FAM135B: variants seen among roughly 807,000 people sequenced by gnomAD.
FAM135B encodes the protein protein FAM135B.
FAM135B carries 43 observed loss-of-function variants against 127.7 expected under a neutral mutation model. The observed-to-expected ratio is 0.34, with a 90% CI of 0.26 to 0.43. The LOEUF is 0.43. Ranked by LOEUF, FAM135B falls within the 20% of genes least tolerant of loss-of-function variation. The pLI is 1.00. For missense variants in FAM135B, 1,558 were observed against 1,725.6 expected, an observed-to-expected ratio of 0.90 and a Z score of 1.72; for synonymous variants, 670 against 665.1, an observed-to-expected ratio of 1.01 and a Z score of -0.11.
chr8:138,282,644 T>C (rs1345952254), intron 3 of FAM135B, among the ~76,000 whole-genome samples: 1 of 152,134 alleles, frequency 6.6e-6, no homozygotes, highest in Non-Finnish European at 1.5e-5. Flanking sequence ...TACACACCTA[T>C]TAGAGTGGCT....
At chr8:138,481,789 T>C (rs898213983) in intron 1 of FAM135B, among the ~76,000 whole-genome samples, 2 of 152,218 alleles carry the variant, frequency 1.3e-5, no homozygotes, top group Non-Finnish European at 2.9e-5. Flanking sequence ...TCCCAGCAAC[T>C]GGTCTCTCCC....
rs770522492 is a variant in FAM135B at position 138,132,719 on chromosome 8, G to A, written c.4095C>T (p.Asn1365=). 1.2e-5 allele frequency: 20 copies of A among 1,614,050 alleles called. No individual in the cohort carries two copies. In the Admixed American group the frequency reaches 1.7e-4, roughly 13 times the overall value. Residue 1365 remains asparagine, a synonymous_variant, in exon 20 of 20, where the codon AAC becomes AAT. Transcript: ENST00000395297. The surrounding 1 kb of genome is among the most constrained non-coding windows in gnomAD (Gnocchi z 4.5). Reference sequence around the variant, plus strand: ...CAGTGTTGGGCAGGGCGTGGAACACGTTGTGTCGGATTAAAGTGCAGTCCT... The same window carrying A: ...CAGTGTTGGGCAGGGCGTGGAACACATTGTGTCGGATTAAAGTGCAGTCCT... The part of the protein sequence containing the change: ...EAKDCTLIRH[N]VFHALPNTAN...
intron 1 of FAM135B, among the ~76,000 whole-genome samples, chr8:138,391,117 C>A (rs1466129886): frequency 1.3e-5 from 2 of 151,418 alleles, no homozygotes; most frequent in Non-Finnish European, 2.9e-5. Context: ...CCACCCCCAC[C>A]ACCACCCGAC....
At chr8:138,469,330 G>A (rs1381881944) in intron 1 of FAM135B, among the ~76,000 whole-genome samples, 1 of 152,152 alleles carries the variant, frequency 6.6e-6, no homozygotes, top group Non-Finnish European at 1.5e-5. Flanking sequence ...GAACTAGCAT[G>A]ATTGATTAGA....
At chr8:138,433,448 G>A (rs904284600) in intron 1 of FAM135B, among the ~76,000 whole-genome samples, 10 of 151,698 alleles carry the variant, frequency 6.6e-5, no homozygotes, top group South Asian at 4.2e-4. Context: ...AATTGAACCC[G>A]GACAGCAGAG....
chr8:138,339,650 A>G (rs1828905405), intron 2 of FAM135B, among the ~76,000 whole-genome samples: 1 of 152,184 alleles, frequency 6.6e-6, no homozygotes, highest in Admixed American at 6.5e-5. Flanking sequence ...GCATATGTGC[A>G]TATGGTGATT....
At chr8:138,280,663 T>A (rs1207544281) in intron 3 of FAM135B, among the ~76,000 whole-genome samples, 1 of 152,080 alleles carries the variant, frequency 6.6e-6, no homozygotes, top group African/African-American at 2.4e-5. Flanking sequence ...GCAAACTTTT[T>A]AATGACTGTG....
At chr8:138,214,765 A>G (rs1818420869) in intron 7 of FAM135B, among the ~76,000 whole-genome samples, 2 of 152,164 alleles carry the variant, frequency 1.3e-5, no homozygotes, top group Middle Eastern at 3.2e-3. Flanking sequence ...CTGAGCTTAG[A>G]CTCAGAGGCA....
At chr8:138,458,418 G>T (rs1196420417) in intron 1 of FAM135B, among the ~76,000 whole-genome samples, 1 of 152,196 alleles carries the variant, frequency 6.6e-6, no homozygotes, top group Non-Finnish European at 1.5e-5. Context: ...GGGAAACTTG[G>T]ATACTCCAGG....
At chr8:138,355,389 A>T (rs375143637) in intron 2 of FAM135B, among the ~76,000 whole-genome samples, 11 of 152,332 alleles carry the variant, frequency 7.2e-5, no homozygotes, top group African/African-American at 2.4e-4. Flanking sequence ...CTATGAAGCC[A>T]TAAAAAATGG....
At chr8:138,378,356 C>G (rs999599608) in intron 1 of FAM135B, among the ~76,000 whole-genome samples, 1 of 152,360 alleles carries the variant, frequency 6.6e-6, no homozygotes, top group Admixed American at 6.5e-5. Context: ...AACCCCTCAG[C>G]AGCTGTGCAG....
intron 12 of FAM135B, among the ~76,000 whole-genome samples, chr8:138,159,417 T>C (rs1819131400): frequency 6.6e-6 from 1 of 151,164 alleles, no homozygotes; most frequent in African/African-American, 2.4e-5. Context: ...TGGAATACTA[T>C]GCATCCATAA....
At chr8:138,137,966 A>T (rs990977885) in intron 18 of FAM135B, among the ~76,000 whole-genome samples, 1 of 152,136 alleles carries the variant, frequency 6.6e-6, no homozygotes, top group Non-Finnish European at 1.5e-5. Flanking sequence ...GCTCTTAGCT[A>T]TGTGTGCCCT....
rs2130892860 is a variant in FAM135B, at chr8:138,310,858, G to T, written c.140C>A (p.Ser47Tyr). 6.2e-7 allele frequency: 1 copy of T among 1,613,956 alleles called. No homozygotes were observed. Among genetic ancestry groups the T allele is most frequent in the Non-Finnish European group, 8.5e-7 (1 of 1,179,958 alleles). Residue 47 changes from serine to tyrosine, a missense_variant, in exon 3 of 20, where the codon TCC (serine) becomes TAC (tyrosine). Ser to Tyr is a moderately radical substitution (Grantham distance 144). Coordinates refer to ENST00000395297, the MANE Select transcript of FAM135B (RefSeq NM_015912.4). ...SSRIPHRLSA[S>Y]IAGQTESSSL... is the part of the protein sequence containing the mutation. ...CTGCTCACCTGTCTGCCCAGCGATG[G>T]AGGCACTCAGTCTGTGGGGGATCCT...
intron 2 of FAM135B, among the ~76,000 whole-genome samples, chr8:138,340,200 C>T (rs1292634852): frequency 6.6e-6 from 1 of 152,096 alleles, no homozygotes; most frequent in East Asian, 1.9e-4. Context: ...TCTGAAAGCC[C>T]CATCATAATT....
At chr8:138,465,044 A>C (rs899456385) in intron 1 of FAM135B, among the ~76,000 whole-genome samples, 20 of 152,222 alleles carry the variant, frequency 1.3e-4, no homozygotes, top group Admixed American at 1.3e-4. Context: ...TTTGCAATTA[A>C]GAAAATTGGA....
chr8:138,234,994 C>T lies in FAM135B; in HGVS notation c.669+7948G>A, dbSNP rs184723158. Reference sequence around the variant, plus strand: ...AGTATTTAAAATTGTATTTTTGCACCTGTTTGTATAAAGGTGACTATAATT... The same window carrying T: ...AGTATTTAAAATTGTATTTTTGCACTTGTTTGTATAAAGGTGACTATAATT... On this transcript the variant is annotated intron_variant, in intron 7 of 19. Coordinates refer to ENST00000395297, the MANE Select transcript of FAM135B (RefSeq NM_015912.4). Among the ~76,000 whole-genome samples, 489 of 152,276 alleles carry T rather than the reference C, an allele frequency of 3.2e-3. 1 individual carries two copies. The highest frequency in any genetic ancestry group is 4.4e-3 in the Non-Finnish European group (300 of 68,014).
chr8:138,158,083 A>T (rs533886077), intron 12 of FAM135B, among the ~76,000 whole-genome samples: 1 of 152,340 alleles, frequency 6.6e-6, no homozygotes, highest in South Asian at 2.1e-4. Context: ...ACAGCAAGGT[A>T]CTGGTACTAA....
intron 2 of FAM135B, among the ~76,000 whole-genome samples, chr8:138,354,887 T>C (rs1407602818): frequency 4.6e-5 from 7 of 152,124 alleles, no homozygotes; most frequent in Non-Finnish European, 5.9e-5. Flanking sequence ...CTCTCTTTTT[T>C]TCTAGGGTAC....
Sources: gnomAD v4.1 joint callset for allele counts (sites outside exome capture counted in the v4.1 genomes callset) on GRCh38, gnomAD v4.1.1 for gene constraint, Gnocchi (gnomAD v3.1) non-coding constraint, MANE v1.5 for transcripts, NCBI Gene and HGNC (gene_info 2026-07-23, HGNC 2026-07-21) for gene names.